Variants in OAS1 observed in about 807,000 individuals in gnomAD.
OAS1 encodes the protein 2'-5'-oligoadenylate synthase 1.
In OAS1, 24 loss-of-function variants were observed where a neutral mutation model predicts 38.5. That is an observed-to-expected ratio of 0.62 (90% CI 0.45 to 0.88). OAS1 has a LOEUF of 0.88. OAS1 is among the 40% of genes least tolerant of loss of function. The pLI is 0.00. For missense variants in OAS1, 482 were observed against 493.9 expected, an observed-to-expected ratio of 0.98 and a Z score of 0.23; for synonymous variants, 169 against 193.9, an observed-to-expected ratio of 0.87 and a Z score of 1.07.
chr12:112,930,023 TG>T (rs897647262), intron 6 of OAS1, among the ~76,000 whole-genome samples: 6 of 152,122 alleles, frequency 3.9e-5, no homozygotes, highest in African/African-American at 1.4e-4. Flanking sequence ...GATTGGATCA[TG>T]GGGGTGGATT....
At chr12:112,922,901 A>T (rs2043539029), downstream of OAS1, among the ~76,000 whole-genome samples, 1 of 152,104 alleles carries the variant, frequency 6.6e-6, no homozygotes, top group South Asian at 2.1e-4. Context: ...GCTAATTTTT[A>T]AATTTTTTTG....
intron 3 of OAS1, 77 bp downstream of exon 3, chr12:112,911,312 A>C: frequency 1.9e-6 from 2 of 1,056,142 alleles, no homozygotes; most frequent in East Asian, 2.8e-5. Context: ...GAGAGAAAGA[A>C]GGGAGTGAAG....
Position 112,917,532 on chromosome 12 carries a change from A to G in OAS1, c.885-15A>G, listed in dbSNP as rs374991221. The G allele has an allele frequency of 6.8e-6, 11 of 1,613,656 alleles. No homozygotes were observed. Among genetic ancestry groups the G allele is most frequent in the Non-Finnish European group, 9.3e-6 (11 of 1,179,972 alleles). On this transcript the variant is annotated splice_polypyrimidine_tract_variant and intron_variant, in intron 4 of 5. Transcript: ENST00000202917. Reference sequence around the variant, plus strand: ...CCAGCTTCTCACCTGTCCCTCTCTAAATGCTGCTCTGCAGGCCTGTGATCC... The same window carrying G: ...CCAGCTTCTCACCTGTCCCTCTCTAGATGCTGCTCTGCAGGCCTGTGATCC...
At position 112,908,783 on chromosome 12, in the gene OAS1, AGG is replaced by A; in HGVS notation, c.432_433del (p.Val145GlyfsTer9). The A allele has an allele frequency of 6.2e-7, 1 of 1,608,564 alleles. No homozygotes were observed. Among genetic ancestry groups the A allele is most frequent in the Non-Finnish European group, 8.5e-7 (1 of 1,175,838 alleles). ...GTACTGAGTTCGCTCCAGCTCGGGG[AGG>A]GGGTGGAGTTCGATGTGCTGCCTGC... is the stretch of plus-strand genomic sequence containing the variant. On this transcript the variant is annotated frameshift_variant, in exon 2 of 6. Transcript: ENST00000202917. LOFTEE classifies it high-confidence loss of function.
At chr12:112,916,482 T>A (rs1195412092) in intron 3 of OAS1, 27 bp from the exon 4 acceptor site, 1 of 1,599,822 alleles carries the variant, frequency 6.3e-7, no homozygotes, top group Admixed American at 1.7e-5. Flanking sequence ...AAACCAATTT[T>A]TTTCTGATTG....
intron 5 of OAS1, chr12:112,917,971 T>C: frequency 7.3e-7 from 1 of 1,374,026 alleles, no homozygotes; most frequent in East Asian, 2.8e-5. Flanking sequence ...TGCTTCGGGC[T>C]CAGGTTCTGT....
intron 4 of OAS1, 142 bp from the exon 5 acceptor site, chr12:112,917,404 TG>T: frequency 1.9e-6 from 2 of 1,061,428 alleles, no homozygotes; most frequent in South Asian, 1.5e-5. Context: ...AATAGGGCAC[TG>T]GGGACATACC....
chr12:112,914,727 TTTG>T (rs1335290150), intron 3 of OAS1, among the ~76,000 whole-genome samples: 14 of 121,872 alleles, frequency 1.1e-4, no homozygotes, highest in African/African-American at 4.9e-4. Context: ...CTTGTTGGTA[TTTG>T]TTTTTTTTTT....
Position 112,918,460 on chromosome 12 carries a change from C to T in OAS1, c.1038+760C>T, listed in dbSNP as rs528531022. On this transcript the variant is annotated intron_variant, in intron 5 of 5. Coordinates refer to ENST00000202917, the MANE Select transcript of OAS1 (RefSeq NM_016816.4). ...CGTACTGCGATAAACATACGAGTGC[C>T]GGTGTCTTTTGATAGAATGATTTCT... is the stretch of plus-strand genomic sequence containing the variant. 24 of 337,672 alleles carry T rather than the reference C, an allele frequency of 7.1e-5. No homozygotes were observed. The East Asian group carries it at 1.1e-3, about 16-fold the overall frequency. The allele number at this position is 337,672 out of a possible 1,614,324, so 20.9% of individuals were successfully genotyped here.
At chr12:112,926,890 C>A (rs1007515341) in intron 6 of OAS1, among the ~76,000 whole-genome samples, 1 of 152,126 alleles carries the variant, frequency 6.6e-6, no homozygotes, top group Admixed American at 6.5e-5. Flanking sequence ...ATTTTAGAGG[C>A]CCCCCGGGAA....
downstream of OAS1, among the ~76,000 whole-genome samples, chr12:112,920,119 T>G (rs1251040498): frequency 2.0e-5 from 3 of 152,162 alleles, no homozygotes; most frequent in Non-Finnish European, 4.4e-5. Flanking sequence ...ACTTCCAGAA[T>G]TTTTTAAATA....
chr12:112,917,660 A>C lies in OAS1; in HGVS notation c.998A>C (p.Lys333Thr). The stretch of plus-strand genomic sequence containing the variant: ...GCCTGGCTGAATTACCCATGCTTTA[A>C]GAATTGGGATGGGTCCCCAGTGAGC... Reference protein sequence around the residue: ...AEAWLNYPCFKNWDGSPVSSW... With the variant: ...AEAWLNYPCFTNWDGSPVSSW... The change falls in exon 5 of 6, where the codon AAG becomes ACG. Residue 333 changes from lysine (K) to threonine (T), a missense_variant. Transcript: ENST00000202917. The C allele has an allele frequency of 6.2e-7, 1 of 1,614,204 alleles. No individual in the cohort carries two copies. The highest frequency in any genetic ancestry group is 1.1e-5 in the South Asian group (1 of 91,084).
intron 6 of OAS1, among the ~76,000 whole-genome samples, chr12:112,930,902 C>G (rs2043592921): frequency 6.6e-6 from 1 of 152,216 alleles, no homozygotes; most frequent in African/African-American, 2.4e-5. Flanking sequence ...TCTCTCTTCT[C>G]TAACACACAC....
intron 4 of OAS1, chr12:112,917,012 A>G: frequency 2.3e-6 from 1 of 429,578 alleles, no homozygotes; most frequent in Non-Finnish European, 4.3e-6. Context: ...AATGAGTAAA[A>G]TAGCTGCAGT....
chr12:112,921,127 G>A (rs1045140674), downstream of OAS1, among the ~76,000 whole-genome samples: 9 of 152,120 alleles, frequency 5.9e-5, no homozygotes, highest in Non-Finnish European at 1.0e-4. Flanking sequence ...ACCCTTCCTC[G>A]GTCTTTTTGT....
chr12:112,920,109 A>T (rs1421634051), downstream of OAS1, among the ~76,000 whole-genome samples: 1 of 152,216 alleles, frequency 6.6e-6, no homozygotes, highest in African/African-American at 2.4e-5. Context: ...CAGAGCCAAG[A>T]CTTCCAGAAT....
downstream of OAS1, among the ~76,000 whole-genome samples, chr12:112,922,349 C>T (rs1365776268): frequency 2.6e-5 from 4 of 152,110 alleles, no homozygotes; most frequent in African/African-American, 4.8e-5. Flanking sequence ...ACCCCCTGGT[C>T]GTCCGGCCTT....
downstream of OAS1, among the ~76,000 whole-genome samples, chr12:112,922,911 G>T (rs569213649): frequency 1.3e-5 from 2 of 152,252 alleles, no homozygotes; most frequent in African/African-American, 4.8e-5. Context: ...AAATTTTTTT[G>T]TAGAGATGGG....
In OAS1 at chr12:112,919,643, A is replaced by C. The variant is rs1277814826; in HGVS notation, c.*90A>C. On this transcript the variant is annotated 3_prime_UTR_variant, in exon 6 of 6. Coordinates refer to ENST00000202917, the MANE Select transcript of OAS1 (RefSeq NM_016816.4). Reference sequence around the variant, plus strand: ...GGGACTCTTGATCCAGAGAGGACAAAGCTCCTCAGTGAGCTGGTGTATAAT... The same window carrying C: ...GGGACTCTTGATCCAGAGAGGACAACGCTCCTCAGTGAGCTGGTGTATAAT... The C allele has an allele frequency of 6.9e-6, 11 of 1,604,152 alleles. No homozygotes were observed. The highest frequency in any genetic ancestry group is 8.5e-6 in the Non-Finnish European group (10 of 1,175,056).
Sources: allele counts gnomAD v4.1 joint callset (sites outside exome capture counted in the v4.1 genomes callset), GRCh38; gene constraint gnomAD v4.1.1; transcripts MANE v1.5; gene names NCBI Gene and HGNC (gene_info 2026-07-23, HGNC 2026-07-21).